Variants in ZNF609 observed in about 807,000 individuals in gnomAD.
The protein encoded by ZNF609 is zinc finger protein 609.
A neutral mutation model predicts 109.5 loss-of-function variants in ZNF609; 11 were observed. That is an observed-to-expected ratio of 0.10 (90% CI 0.06 to 0.17). ZNF609 has a LOEUF of 0.17. Among genes scored for constraint, ZNF609 ranks in the 10% least tolerant of loss-of-function variants. ZNF609 has a pLI of 1.00. For synonymous variants in ZNF609, 646 were observed against 662.0 expected, an observed-to-expected ratio of 0.98 and a Z score of 0.37; for missense variants, 1,559 against 1,772.4, an observed-to-expected ratio of 0.88 and a Z score of 2.16.
chr15:64,651,316 C>T (rs772370070), intron 3 of ZNF609, among the ~76,000 whole-genome samples: 7 of 151,890 alleles, frequency 4.6e-5, no homozygotes, highest in African/African-American at 7.3e-5. Flanking sequence ...GTTTTATAAC[C>T]GAAATATCTT....
At chr15:64,658,401 T>C (rs979163078) in intron 3 of ZNF609, among the ~76,000 whole-genome samples, 1 of 152,138 alleles carries the variant, frequency 6.6e-6, no homozygotes, top group Non-Finnish European at 1.5e-5. Flanking sequence ...TTCCCCATGT[T>C]GATCAGATTG....
chr15:64,670,484 G>T (rs1416303873), intron 4 of ZNF609, 51 bp downstream of exon 4: 1 of 1,466,520 alleles, frequency 6.8e-7, no homozygotes, highest in Admixed American at 1.7e-5. Flanking sequence ...ACACTAATTG[G>T]TGATCCCTTA....
At chr15:64,581,588 C>T (rs1332499712) in intron 2 of ZNF609, among the ~76,000 whole-genome samples, 1 of 152,056 alleles carries the variant, frequency 6.6e-6, no homozygotes, top group Admixed American at 6.6e-5. Context: ...CCGGAAAGGT[C>T]AAATAATGAT....
intron 4 of ZNF609, among the ~76,000 whole-genome samples, chr15:64,672,886 C>T (rs1355589971): frequency 6.7e-6 from 1 of 150,348 alleles, no homozygotes; most frequent in Non-Finnish European, 1.5e-5. Flanking sequence ...ACCACTTGAA[C>T]TAGGGAGTTG....
At chr15:64,628,358 C>T (rs1896006265) in intron 3 of ZNF609, among the ~76,000 whole-genome samples, 2 of 151,736 alleles carry the variant, frequency 1.3e-5, no homozygotes, top group African/African-American at 4.8e-5. Context: ...ACTATGGCAA[C>T]TTAAAAACGA....
At chr15:64,609,484 T>C (rs978869519) in intron 2 of ZNF609, among the ~76,000 whole-genome samples, 47 of 145,122 alleles carry the variant, frequency 3.2e-4, no homozygotes, top group Non-Finnish European at 5.6e-4. Context: ...CCCGGCCGTA[T>C]TTTTTTATAG....
chr15:64,468,669 G>A (rs1893047897), intron 1 of ZNF609, among the ~76,000 whole-genome samples: 1 of 152,016 alleles, frequency 6.6e-6, no homozygotes, highest in African/African-American at 2.4e-5. Flanking sequence ...TCCTTCCATG[G>A]TTTCCCAAAG....
In ZNF609 at chr15:64,680,847, T is replaced by A; in HGVS notation, c.4147T>A (p.Leu1383Ile). 1 of 1,611,056 alleles carries A rather than the reference T, an allele frequency of 6.2e-7. No individual in the cohort carries two copies. Among genetic ancestry groups the A allele is most frequent in the Non-Finnish European group, 8.5e-7 (1 of 1,180,000 alleles). The change falls in exon 8 of 10, where the codon TTA (leucine) becomes ATA (isoleucine). Residue 1383 changes from leucine (L) to isoleucine (I), a missense_variant. By Grantham distance (5) the Leu-to-Ile change is conservative. This residue lies in a region of ZNF609 where 1,204 missense variants were observed against 1,314.1 expected (regional missense o/e 0.92). Coordinates refer to ENST00000326648, the MANE Select transcript of ZNF609 (RefSeq NM_015042.2). ...CTCATTGCTCCCAGCACAGTACAAC[T>A]TACCCTATGCAGCAGGTAAGCCTGT... is the stretch of plus-strand genomic sequence containing the variant. ...GYSLLPAQYNLPYAAGLSSTA... is the reference protein window; with the variant it reads ...GYSLLPAQYNIPYAAGLSSTA...
chr15:64,549,274 T>C (rs1894422968), intron 2 of ZNF609, among the ~76,000 whole-genome samples: 1 of 151,962 alleles, frequency 6.6e-6, no homozygotes, highest in Non-Finnish European at 1.5e-5. Flanking sequence ...TACCACAACC[T>C]CCGCCTCCCG....
At chr15:64,673,829 C>T (rs768653685) in intron 4 of ZNF609, 87 bp from the exon 5 acceptor site, 36 of 1,395,866 alleles carry the variant, frequency 2.6e-5, no homozygotes, top group Non-Finnish European at 3.3e-5. Flanking sequence ...TAGTCACCAT[C>T]TGGACAGTTC....
At chr15:64,544,813 A>G (rs1717278271) in intron 2 of ZNF609, among the ~76,000 whole-genome samples, 1 of 152,206 alleles carries the variant, frequency 6.6e-6, no homozygotes, top group African/African-American at 2.4e-5. Flanking sequence ...CAGGGCAGGT[A>G]CATTGATTGT....
intron 3 of ZNF609, chr15:64,631,270 T>G: frequency 1.5e-6 from 1 of 658,834 alleles, no homozygotes; most frequent in South Asian, 1.4e-5. Context: ...CTTCACATGT[T>G]TCAGGAAGCT....
chr15:64,660,376 A>G (rs978799224), intron 3 of ZNF609, among the ~76,000 whole-genome samples: 1 of 152,158 alleles, frequency 6.6e-6, no homozygotes, highest in African/African-American at 2.4e-5. Flanking sequence ...CAGACGGTCT[A>G]TGTCAGGGAT....
intron 3 of ZNF609, among the ~76,000 whole-genome samples, chr15:64,623,283 C>T (rs1452904384): frequency 6.6e-6 from 1 of 152,074 alleles, no homozygotes; most frequent in Non-Finnish European, 1.5e-5. Flanking sequence ...TTATGATATG[C>T]AGTCATGTGA....
intron 1 of ZNF609, among the ~76,000 whole-genome samples, chr15:64,461,756 G>A (rs1193556531): frequency 6.6e-6 from 1 of 152,106 alleles, no homozygotes; most frequent in African/African-American, 2.4e-5. Flanking sequence ...GAGAAAGATA[G>A]GGAAGAAAGC....
intron 2 of ZNF609, among the ~76,000 whole-genome samples, chr15:64,511,712 TA>T (rs1391174323): frequency 2.7e-5 from 4 of 150,812 alleles, no homozygotes; most frequent in Admixed American, 2.6e-4. Flanking sequence ...TCCAAGCATG[TA>T]ATTTTTTTTT....
At chr15:64,535,927 G>T (rs950095397) in intron 2 of ZNF609, among the ~76,000 whole-genome samples, 8 of 151,732 alleles carry the variant, frequency 5.3e-5, no homozygotes, top group Non-Finnish European at 1.0e-4. Flanking sequence ...TCTCTTCAGT[G>T]AATCATCTGG....
At chr15:64,619,907 T>C (rs1232451391) in intron 2 of ZNF609, among the ~76,000 whole-genome samples, 1 of 152,236 alleles carries the variant, frequency 6.6e-6, no homozygotes. Flanking sequence ...GACTTCATTT[T>C]ATCTAGAATG....
chr15:64,555,084 A>C (rs1222935405), intron 2 of ZNF609, among the ~76,000 whole-genome samples: 1 of 138,812 alleles, frequency 7.2e-6, no homozygotes, highest in Non-Finnish European at 1.6e-5. Flanking sequence ...CAACAGAACA[A>C]GACACCATCT....
Sources: gnomAD v4.1 joint callset for allele counts (sites outside exome capture counted in the v4.1 genomes callset) on GRCh38, gnomAD v4.1.1 for gene constraint, gnomAD v4.1.1 regional missense constraint, MANE v1.5 for transcripts, NCBI Gene and HGNC (gene_info 2026-07-23, HGNC 2026-07-21) for gene names.